The following ZBTB49 variants were observed in gnomAD, a reference collection of about 807,000 sequenced individuals.
ZBTB49 encodes zinc finger and BTB domain-containing protein 49.
A neutral mutation model predicts 57.5 loss-of-function variants in ZBTB49; 43 were observed. The ratio of observed to expected loss-of-function variants is 0.75; its 90% CI spans 0.59 to 0.97. ZBTB49 has a LOEUF of 0.97. ZBTB49 is among the 50% of genes least tolerant of loss of function. The probability of loss-of-function intolerance (pLI) is 0.00; values close to 1 mark genes in which losing one functional copy is unlikely to be tolerated. For missense variants in ZBTB49, 938 were observed against 947.7 expected, an observed-to-expected ratio of 0.99 and a Z score of 0.13; for synonymous variants, 369 against 362.1, an observed-to-expected ratio of 1.02 and a Z score of -0.22.
chr4:4,314,300 T>C (rs1377267982), intron 5 of ZBTB49, among the ~76,000 whole-genome samples: 1 of 152,240 alleles, frequency 6.6e-6, no homozygotes, highest in Non-Finnish European at 1.5e-5. Flanking sequence ...CCCCTGCATG[T>C]CTTGTTTTGC....
intron 1 of ZBTB49, among the ~76,000 whole-genome samples, chr4:4,299,640 C>T (rs1720381963): frequency 6.6e-6 from 1 of 152,108 alleles, no homozygotes; most frequent in Non-Finnish European, 1.5e-5. Context: ...CAATTTCAAT[C>T]CCTCAGCCAC....
chr4:4,317,927 A>G (rs944362489), intron 7 of ZBTB49, among the ~76,000 whole-genome samples: 2 of 151,964 alleles, frequency 1.3e-5, no homozygotes, highest in East Asian at 3.9e-4. Context: ...TCCTATAGGG[A>G]GGCTTCGTTG....
intron 5 of ZBTB49, 107 bp downstream of exon 5, chr4:4,313,221 G>C: frequency 7.9e-7 from 1 of 1,259,930 alleles, no homozygotes; most frequent in Non-Finnish European, 1.1e-6. Flanking sequence ...GCCACAGGTG[G>C]GCTCACCCTG....
At chr4:4,303,257 A>G (rs1195577073) in intron 3 of ZBTB49, among the ~76,000 whole-genome samples, 166 bp downstream of exon 3, 3 of 152,230 alleles carry the variant, frequency 2.0e-5, no homozygotes, top group Non-Finnish European at 4.4e-5. Context: ...ATTTTTGGTG[A>G]TGCATCTGAC....
intron 6 of ZBTB49, 37 bp downstream of exon 6, chr4:4,315,755 T>C: frequency 6.2e-7 from 1 of 1,613,952 alleles, no homozygotes; most frequent in Non-Finnish European, 8.5e-7. Context: ...CTTGAAGATT[T>C]CTGATTAAAA....
intron 5 of ZBTB49, among the ~76,000 whole-genome samples, chr4:4,314,745 G>A (rs1721116805): frequency 6.6e-6 from 1 of 152,234 alleles, no homozygotes; most frequent in African/African-American, 2.4e-5. Flanking sequence ...ATCAAGCGTA[G>A]TGGAAAGGAA....
chr4:4,299,150 T>C (rs556980968), intron 1 of ZBTB49, among the ~76,000 whole-genome samples: 1 of 152,178 alleles, frequency 6.6e-6, no homozygotes, highest in East Asian at 1.9e-4. Flanking sequence ...TAGGATGTCA[T>C]CTCCTGCCAC....
In ZBTB49 at chr4:4,303,027, T is replaced by C. The variant is rs766062779; in HGVS notation, c.1191T>C (p.Cys397=). The C allele has an allele frequency of 2.5e-6, 4 of 1,613,664 alleles. No homozygotes were observed. The highest frequency in any genetic ancestry group is 3.4e-6 in the Non-Finnish European group (4 of 1,179,870). The change falls in exon 3 of 8, where the codon TGT becomes TGC. Residue 397 remains cysteine (C), a synonymous_variant. Coordinates refer to ENST00000337872, the MANE Select transcript of ZBTB49 (RefSeq NM_145291.4). The part of the protein sequence containing the change: ...QTLQSQRQYA[C]ELCGKPFKHP... The stretch of plus-strand genomic sequence containing the variant: ...TTCAGTCCCAGAGACAATACGCGTG[T>C]GAATTATGCGGGAAACCTTTTAAAC...
chr4:4,296,653 C>G (rs150726366), intron 1 of ZBTB49, among the ~76,000 whole-genome samples: 1 of 152,112 alleles, frequency 6.6e-6, no homozygotes, highest in Admixed American at 6.5e-5. Context: ...AGCATGAAAA[C>G]GGACTAATAC....
rs751421909 is a variant in ZBTB49, at chr4:4,321,285, C to T, written c.2267C>T (p.Thr756Met). Residue 756 changes from threonine to methionine, a missense_variant, in exon 8 of 8, where the codon ACG becomes ATG. This residue lies in a region of ZBTB49 where 835 missense variants were observed against 819.1 expected (regional missense o/e 1.02). Transcript: ENST00000337872. The part of the protein sequence containing the change: ...SMTLWGLAMK[T>M]LQNENELDQ Reference sequence around the variant, plus strand: ...ACTCTCTGGGGGCTAGCGATGAAGACGCTGCAGAATGAAAACGAGTTAGAC... The same window carrying T: ...ACTCTCTGGGGGCTAGCGATGAAGATGCTGCAGAATGAAAACGAGTTAGAC... 7.4e-6 allele frequency: 12 copies of T among 1,613,114 alleles called. No individual in the cohort carries two copies. The Admixed American group carries it at 8.3e-5, about 11-fold the overall frequency.
At chr4:4,308,479 AG>A (rs1290836932) in intron 4 of ZBTB49, among the ~76,000 whole-genome samples, 2 of 152,184 alleles carry the variant, frequency 1.3e-5, no homozygotes, top group Non-Finnish European at 2.9e-5. Flanking sequence ...AATCTTACCA[AG>A]GGTAGCCCTG....
Position 4,299,810 on chromosome 4 carries a change from T to TGTGA in ZBTB49, c.-19-116_-19-115insTGAG, listed in dbSNP as rs71169632. ...GTGTGTGTGTGTGTGTGTGTGTGTG[T>TGTGA]GAGAGAGAAACTGTGATGAGAGAGT... is the stretch of plus-strand genomic sequence containing the variant. On this transcript the variant is annotated intron_variant, in intron 1 of 7. Transcript: ENST00000337872. 834 of 607,724 alleles carry TGTGA rather than the reference T, an allele frequency of 1.4e-3. 1 individual carries two copies. The highest frequency in any genetic ancestry group is 9.6e-3 in the African/African-American group (524 of 54,642). 37.6% of individuals were successfully genotyped at this position (607,724 alleles called of 1,614,324 possible).
intron 4 of ZBTB49, among the ~76,000 whole-genome samples, chr4:4,306,508 A>G (rs1316567384): frequency 6.6e-6 from 1 of 152,192 alleles, no homozygotes; most frequent in Non-Finnish European, 1.5e-5. Flanking sequence ...GAGGCTGCAC[A>G]TTGTGCTGGG....
intron 2 of ZBTB49, 142 bp downstream of exon 2, chr4:4,300,239 T>TG: frequency 1.0e-6 from 1 of 969,994 alleles, no homozygotes; most frequent in South Asian, 2.7e-5. Flanking sequence ...GTTGTTTTAA[T>TG]TTTTAAGTTT....
chr4:4,303,973 G>C (rs957524979), intron 3 of ZBTB49, among the ~76,000 whole-genome samples: 1 of 152,052 alleles, frequency 6.6e-6, no homozygotes, highest in Admixed American at 6.6e-5. Flanking sequence ...AATTGTGTTT[G>C]TTGATGTGAC....
At chr4:4,308,659 C>T (rs1158552114) in intron 4 of ZBTB49, among the ~76,000 whole-genome samples, 1 of 152,154 alleles carries the variant, frequency 6.6e-6, no homozygotes, top group Non-Finnish European at 1.5e-5. Context: ...TTGTTGCAAG[C>T]CTACAGTGTC....
chr4:4,321,302 G>A lies in ZBTB49; in HGVS notation c.2284G>A (p.Glu762Lys), dbSNP rs1279904528. The A allele has an allele frequency of 9.3e-6, 15 of 1,611,034 alleles. No homozygotes were observed. Among genetic ancestry groups the A allele is most frequent in the Admixed American group, 6.7e-5 (4 of 59,998 alleles). The change falls in exon 8 of 8, where the codon GAG (glutamate) becomes AAG (lysine). Residue 762 changes from glutamate (E) to lysine (K), a missense_variant. Glu to Lys is a moderately conservative substitution (Grantham distance 56). Around this residue, in one of 3 missense-constraint regions of ZBTB49, gnomAD observed 835 missense variants for 819.1 expected, o/e 1.02. Coordinates refer to ENST00000337872, the MANE Select transcript of ZBTB49 (RefSeq NM_145291.4). Reference protein sequence around the residue: ...LAMKTLQNENELDQ With the variant: ...LAMKTLQNENKLDQ ...GATGAAGACGCTGCAGAATGAAAAC[G>A]AGTTAGACCAGTGATGTACCGCGCT...
intron 1 of ZBTB49, among the ~76,000 whole-genome samples, chr4:4,296,783 C>T (rs1720223261): frequency 6.6e-6 from 1 of 152,102 alleles, no homozygotes; most frequent in Non-Finnish European, 1.5e-5. Flanking sequence ...TTGTCGTTAC[C>T]CTGTTTTGCT....
intron 7 of ZBTB49, among the ~76,000 whole-genome samples, chr4:4,320,019 A>G (rs915528146): frequency 2.0e-5 from 3 of 152,130 alleles, no homozygotes; most frequent in Non-Finnish European, 4.4e-5. Flanking sequence ...AGCCGAGACA[A>G]TGCCACTTCA....
Sources: allele counts gnomAD v4.1 joint callset (sites outside exome capture counted in the v4.1 genomes callset), GRCh38; gene constraint gnomAD v4.1.1; regional missense constraint gnomAD v4.1.1; transcripts MANE v1.5; gene names NCBI Gene and HGNC (gene_info 2026-07-23, HGNC 2026-07-21).